The following ITPR2 variants were observed in gnomAD, a reference collection of about 807,000 sequenced individuals.
The protein encoded by ITPR2 is inositol 1,4,5-trisphosphate receptor type 2, also known as inositol 1,4,5-trisphosphate-gated calcium channel ITPR2.
In ITPR2, 207 loss-of-function variants were observed where a neutral mutation model predicts 317.1. The observed-to-expected ratio is 0.65, with a 90% confidence interval of 0.58 to 0.73. ITPR2 has a LOEUF of 0.73. Ranked by LOEUF, ITPR2 falls within the 30% of genes least tolerant of loss-of-function variation. ITPR2 has a pLI of 0.00. For synonymous variants in ITPR2, 1,156 were observed against 1,149.1 expected, an observed-to-expected ratio of 1.01 and a Z score of -0.12; for missense variants, 2,613 against 3,284.0, an observed-to-expected ratio of 0.80 and a Z score of 4.99.
chr12:26,716,068 G>A, intron 6 of ITPR2, 76 bp downstream of exon 6: 1 of 958,290 alleles, frequency 1.0e-6, no homozygotes, highest in Non-Finnish European at 1.6e-6. Context: ...AACAATGAAA[G>A]AAACTATATT....
chr12:26,359,008 C>A (rs1210130228), intron 55 of ITPR2, among the ~76,000 whole-genome samples: 1 of 152,258 alleles, frequency 6.6e-6, no homozygotes, highest in African/African-American at 2.4e-5. Flanking sequence ...CCTTTCTGCT[C>A]CTTCAACTTG....
chr12:26,618,339 A>T (rs1344253003), intron 26 of ITPR2, among the ~76,000 whole-genome samples: 4 of 152,254 alleles, frequency 2.6e-5, no homozygotes, highest in Non-Finnish European at 5.9e-5. Context: ...TTTTAACCTT[A>T]TTAGTAAGTA....
chr12:26,566,716 C>T (rs990094252), intron 34 of ITPR2, among the ~76,000 whole-genome samples: 2 of 152,018 alleles, frequency 1.3e-5, no homozygotes, highest in Non-Finnish European at 2.9e-5. Flanking sequence ...TCAATTTCAC[C>T]ACTGCTTAAA....
intron 26 of ITPR2, among the ~76,000 whole-genome samples, chr12:26,608,552 G>A (rs866732206): frequency 4.0e-5 from 6 of 151,152 alleles, no homozygotes; most frequent in African/African-American, 7.3e-5. Flanking sequence ...AGAGAGGAGC[G>A]CCTCTGCCTG....
intron 37 of ITPR2, among the ~76,000 whole-genome samples, chr12:26,526,812 C>T (rs1171974731): frequency 6.6e-6 from 1 of 152,112 alleles, no homozygotes; most frequent in Non-Finnish European, 1.5e-5. Flanking sequence ...ATCAACAAGA[C>T]TAGCTGATGC....
chr12:26,436,321 C>T lies in ITPR2; in HGVS notation c.6669G>A (p.Ser2223=), dbSNP rs370822217. The change falls in exon 48 of 57, where the codon TCG becomes TCA. Residue 2223 remains serine (S), a synonymous_variant. Transcript: ENST00000381340. ...TGCTCCCCCAGAGAGAGATGTGCCTCGAGAACCAGAACAGTGCAGGGTTAT... is the reference window on the plus strand; with the variant it reads ...TGCTCCCCCAGAGAGAGATGTGCCTTGAGAACCAGAACAGTGCAGGGTTAT... ...IRNNPALFWF[S]RHISLWGSIS... is the part of the protein sequence containing the mutation. 1.1e-5 allele frequency: 17 copies of T among 1,612,486 alleles called. No homozygotes were observed. The highest frequency in any genetic ancestry group is 6.7e-5 in the African/African-American group (5 of 74,736).
At chr12:26,411,487 G>T in intron 51 of ITPR2, 75 bp from the exon 52 acceptor site, 1 of 1,009,560 alleles carries the variant, frequency 9.9e-7, no homozygotes, top group Non-Finnish European at 1.5e-6. Flanking sequence ...CAGTTCTAAA[G>T]ATATGTAAAT....
At chr12:26,382,478 A>G (rs1438446523) in intron 55 of ITPR2, among the ~76,000 whole-genome samples, 1 of 152,180 alleles carries the variant, frequency 6.6e-6, no homozygotes, top group Non-Finnish European at 1.5e-5. Flanking sequence ...CAGCCTGGCC[A>G]ATGTGGTGAA....
chr12:26,762,007 A>T (rs539265784), intron 2 of ITPR2, among the ~76,000 whole-genome samples: 29 of 152,330 alleles, frequency 1.9e-4, no homozygotes, highest in African/African-American at 7.0e-4. Flanking sequence ...ATAGAAGGTG[A>T]GCTCAAAGGC....
At chr12:26,624,435 T>C in intron 23 of ITPR2, 79 bp from the exon 24 acceptor site, 2 of 986,054 alleles carry the variant, frequency 2.0e-6, no homozygotes, top group South Asian at 1.6e-5. Flanking sequence ...TATCAATTGA[T>C]GTGAAAATAT....
At chr12:26,577,372 T>A (rs1173613055) in intron 34 of ITPR2, among the ~76,000 whole-genome samples, 1 of 152,236 alleles carries the variant, frequency 6.6e-6, no homozygotes, top group Non-Finnish European at 1.5e-5. Flanking sequence ...ATTAAAGTTA[T>A]TAGTTTATCT....
chr12:26,719,862 T>C (rs1011492442), intron 5 of ITPR2, among the ~76,000 whole-genome samples: 2 of 152,204 alleles, frequency 1.3e-5, no homozygotes, highest in African/African-American at 4.8e-5. Context: ...TTTCTCTTCA[T>C]TTAAAGAATA....
intron 54 of ITPR2, among the ~76,000 whole-genome samples, chr12:26,396,535 T>G (rs1340449258): frequency 6.6e-6 from 1 of 152,184 alleles, no homozygotes; most frequent in East Asian, 1.9e-4. Context: ...TACTCTGAGT[T>G]GTTGGTGTGT....
At position 26,456,252 on chromosome 12, in the gene ITPR2, T is replaced by C. The variant is rs576399594; in HGVS notation, c.6343-12602A>G. ...TGGCCAAAACCCACCAAAACCAAGATGGCAATGAAAGTGACCTCTGGTTGT... is the reference window on the plus strand; with the variant it reads ...TGGCCAAAACCCACCAAAACCAAGACGGCAATGAAAGTGACCTCTGGTTGT... On this transcript the variant is annotated intron_variant, in intron 45 of 56. Transcript: ENST00000381340. 7.9e-5 allele frequency among the ~76,000 whole-genome samples: 12 copies of C among 152,274 alleles called. No homozygotes were observed. The East Asian group carries it at 2.3e-3, about 29-fold the overall frequency.
intron 11 of ITPR2, among the ~76,000 whole-genome samples, chr12:26,685,577 A>G: frequency 6.6e-6 from 1 of 152,212 alleles, no homozygotes; most frequent in East Asian, 1.9e-4. Flanking sequence ...ACCCTGGACA[A>G]CAGAGTGAGA....
rs575641036 is a variant in ITPR2 at position 26,440,150 on chromosome 12, A to G, written c.6451-831T>C. Among the ~76,000 whole-genome samples the G allele has an allele frequency of 3.9e-5, 6 of 152,296 alleles. No individual in the cohort carries two copies. In the South Asian group the frequency reaches 8.3e-4, roughly 21 times the overall value. On this transcript the variant is annotated intron_variant, in intron 46 of 56. Transcript: ENST00000381340. ...TGGAAAGTGAGGCATAAAGAGAAAT[A>G]TCCTGAAAGGGCTTCCAGGAGAGAT...
chr12:26,580,875 A>G (rs1945388398), intron 32 of ITPR2, among the ~76,000 whole-genome samples: 2 of 152,316 alleles, frequency 1.3e-5, no homozygotes, highest in African/African-American at 2.4e-5. Flanking sequence ...GTAAATTTCA[A>G]TGTCAGCATG....
intron 45 of ITPR2, among the ~76,000 whole-genome samples, chr12:26,467,308 A>G (rs1942191960): frequency 6.6e-6 from 1 of 152,118 alleles, no homozygotes; most frequent in East Asian, 1.9e-4. Flanking sequence ...TGACATAAAA[A>G]ATCCCTGTCC....
In ITPR2 at chr12:26,387,145, A is replaced by G. The variant is rs553880145; in HGVS notation, c.7857+289T>C. Among the ~76,000 whole-genome samples the G allele has an allele frequency of 1.4e-4, 22 of 152,314 alleles. No individual in the cohort carries two copies. In the South Asian group the frequency reaches 4.1e-3, roughly 29 times the overall value. On this transcript the variant is annotated intron_variant, in intron 55 of 56. Transcript: ENST00000381340. ...GACATCAGCAATGATAAAAGGTATG[A>G]TGTCAGAAGGTGATGAACATAACTG...
Sources: gnomAD v4.1 joint callset for allele counts (sites outside exome capture counted in the v4.1 genomes callset) on GRCh38, gnomAD v4.1.1 for gene constraint, MANE v1.5 for transcripts, NCBI Gene and HGNC (gene_info 2026-07-23, HGNC 2026-07-21) for gene names.